The following CTSB variants were observed in gnomAD, a reference collection of about 807,000 sequenced individuals.
CTSB encodes the protein APP secretase.
In CTSB, 57 loss-of-function variants were observed where a neutral mutation model predicts 44.3. The observed-to-expected ratio is 1.29, with a 90% CI of 1.04 to 1.60. The LOEUF (loss-of-function observed/expected upper bound fraction) is 1.60, where lower values mean the gene tolerates loss of function less well. Ranked by LOEUF, CTSB falls within the 40% of genes most tolerant of loss-of-function variation. The probability of loss-of-function intolerance (pLI) is 0.00; values close to 1 mark genes in which losing one functional copy is unlikely to be tolerated. For missense variants in CTSB, 768 were observed against 443.0 expected (o/e 1.73, Z -6.59); for synonymous variants, 320 against 168.0 (o/e 1.91, Z -7.00).
chr8:11,845,149 G>T lies in CTSB; in HGVS notation c.996C>A (p.Thr332=), dbSNP rs759777408. The change falls in exon 10 of 10, where the codon ACC becomes ACA. Residue 332 remains threonine (T), a synonymous_variant. Coordinates refer to ENST00000353047, the MANE Select transcript of CTSB (RefSeq NM_001908.5). ...ESEVVAGIPR[T]DQYWEKI The stretch of plus-strand genomic sequence containing the variant: ...ATTAGATCTTTTCCCAGTACTGATC[G>T]GTGCGTGGAATTCCAGCCACCACTT... 6.2e-7 allele frequency: 1 copy of T among 1,613,524 alleles called. No individual in the cohort carries two copies. Among genetic ancestry groups the T allele is most frequent in the East Asian group, 2.2e-5 (1 of 44,888 alleles).
intron 1 of CTSB, among the ~76,000 whole-genome samples, chr8:11,857,559 A>G (rs1815706713): frequency 6.6e-6 from 1 of 152,022 alleles, no homozygotes; most frequent in South Asian, 2.1e-4. Context: ...TAAAACCAAG[A>G]TTTCTTTGGT....
intron 2 of CTSB, among the ~76,000 whole-genome samples, chr8:11,853,100 C>A (rs1032580467): frequency 5.9e-5 from 9 of 152,084 alleles, no homozygotes; most frequent in Non-Finnish European, 1.0e-4. Context: ...CACGTGCACA[C>A]AACCATATAT....
Position 11,847,728 on chromosome 8 carries a change from C to G in CTSB, c.627G>C (p.Lys209Asn), listed in dbSNP as rs1022641755. 1.3e-6 allele frequency: 2 copies of G among 1,598,194 alleles called. No homozygotes were observed. The highest frequency in any genetic ancestry group is 1.3e-5 in the African/African-American group (1 of 74,080). The change falls in exon 7 of 10, where the codon AAG (lysine) becomes AAC (asparagine). Residue 209 changes from lysine to asparagine, a missense_variant. Transcript: ENST00000353047. ...TGEGDTPKCS[K>N]ICEPGYSPTY... is the part of the protein sequence containing the mutation. ...TCGGGCTGTAGCCAGGCTCACAGAT[C>G]TTGCTACACTTGGGGGTATCTCCCT... is the stretch of plus-strand genomic sequence containing the variant.
chr8:11,857,332 T>C (rs921535763), intron 1 of CTSB, among the ~76,000 whole-genome samples: 1 of 152,102 alleles, frequency 6.6e-6, no homozygotes, highest in Non-Finnish European at 1.5e-5. Flanking sequence ...GTGACTTTCT[T>C]AATAATCTTC....
In CTSB at chr8:11,845,748, C is replaced by T; in HGVS notation, c.835G>A (p.Ala279Thr). The T allele has an allele frequency of 6.2e-7, 1 of 1,614,122 alleles. No homozygotes were observed. Among genetic ancestry groups the T allele is most frequent in the Non-Finnish European group, 8.5e-7 (1 of 1,179,968 alleles). ...ACTCCCCAGCCCAGGATGCGGATGGCATGGCCACCCATCATCTCTCCGGTG... is the reference window on the plus strand; with the variant it reads ...ACTCCCCAGCCCAGGATGCGGATGGTATGGCCACCCATCATCTCTCCGGTG... ...HVTGEMMGGH[A>T]IRILGWGVEN... is the part of the protein sequence containing the mutation. The change falls in exon 9 of 10, where the codon GCC becomes ACC. Residue 279 changes from alanine (A) to threonine (T), a missense_variant. By Grantham distance (58) the Ala-to-Thr change is moderately conservative (BLOSUM62 0). Coordinates refer to ENST00000353047, the MANE Select transcript of CTSB (RefSeq NM_001908.5).
At chr8:11,863,028 C>T (rs1427865931) in intron 1 of CTSB, among the ~76,000 whole-genome samples, 1 of 152,208 alleles carries the variant, frequency 6.6e-6, no homozygotes, top group African/African-American at 2.4e-5. Context: ...AACATCAGTT[C>T]TGGGCTGAGC....
At position 11,850,984 on chromosome 8, in the gene CTSB, G is replaced by C; in HGVS notation, c.213-4C>G. ...CAGGTCCTCGGTAAACATAACTCTGGATAAAGGAAGGTCTTCATTACAAGC... is the reference window on the plus strand; with the variant it reads ...CAGGTCCTCGGTAAACATAACTCTGCATAAAGGAAGGTCTTCATTACAAGC... On this transcript the variant is annotated splice_polypyrimidine_tract_variant and splice_region_variant and intron_variant, in intron 3 of 9. Transcript: ENST00000353047. The C allele has an allele frequency of 2.5e-6, 4 of 1,605,640 alleles. No homozygotes were observed. Among genetic ancestry groups the C allele is most frequent in the Non-Finnish European group, 3.4e-6 (4 of 1,173,540 alleles).
At chr8:11,854,593 T>TTCAAACAATGCTTGTG (rs71205034) in intron 1 of CTSB, 1 of 151,512 alleles carries the variant, frequency 6.6e-6, no homozygotes, top group African/African-American at 2.4e-5. Flanking sequence ...ACCTCCCAGG[T>TTCAAACAATGCTTGTG]TCTTAGCCTC....
chr8:11,860,927 C>G (rs781067948), intron 1 of CTSB, among the ~76,000 whole-genome samples: 14 of 152,242 alleles, frequency 9.2e-5, no homozygotes, highest in Non-Finnish European at 1.9e-4. Flanking sequence ...CTTCAACCTG[C>G]CAGACACACC....
In CTSB at chr8:11,852,702, G is replaced by C. The variant is rs372595797; in HGVS notation, c.127-7C>G. On this transcript the variant is annotated splice_polypyrimidine_tract_variant and splice_region_variant and intron_variant, in intron 2 of 9. Transcript: ENST00000353047. ...TGTAGAAGTTGTGCCCGGCCTGGAAGAGAGTCACCCACTGACTGAAGGGTC... is the reference window on the plus strand; with the variant it reads ...TGTAGAAGTTGTGCCCGGCCTGGAACAGAGTCACCCACTGACTGAAGGGTC... 48 of 1,613,344 alleles carry C rather than the reference G, an allele frequency of 3.0e-5. No homozygotes were observed. The African/African-American group carries it at 6.0e-4, about 20-fold the overall frequency.
intron 1 of CTSB, among the ~76,000 whole-genome samples, chr8:11,860,546 C>T (rs2150440419): frequency 6.6e-6 from 1 of 152,302 alleles, no homozygotes; most frequent in African/African-American, 2.4e-5. Context: ...ATTGCTTGAA[C>T]CCAGGAGGTG....
rs1273616387 is a variant in CTSB, at chr8:11,843,378, C to T, written c.*1747G>A. On this transcript the variant is annotated 3_prime_UTR_variant, in exon 10 of 10. Transcript: ENST00000353047. Reference sequence around the variant, plus strand: ...TCACATCAGAAGCCAAACTTGAATGCTTTTGGAAAGAGCTAGCCTCATACC... The same window carrying T: ...TCACATCAGAAGCCAAACTTGAATGTTTTTGGAAAGAGCTAGCCTCATACC... The T allele has an allele frequency of 2.0e-5, 3 of 152,192 alleles. No individual in the cohort carries two copies. The highest frequency in any genetic ancestry group is 7.2e-5 in the African/African-American group (3 of 41,440). The allele number at this position is 152,192 out of a possible 1,614,324, so 9.4% of individuals were successfully genotyped here.
intron 1 of CTSB, among the ~76,000 whole-genome samples, chr8:11,859,971 C>G (rs1281705144): frequency 6.6e-6 from 1 of 151,280 alleles, no homozygotes; most frequent in African/African-American, 2.4e-5. Flanking sequence ...ACTCAGGAAG[C>G]TGAGGCAGGA....
Position 11,845,727 on chromosome 8 carries a change from C to A in CTSB, c.856G>T (p.Gly286Ter). Reference protein sequence around the residue: ...GGHAIRILGWGVENGTPYWLV... With the variant: ...GGHAIRILGW ...CAGTAGGGTGTGCCATTCTCCACTCCCCAGCCCAGGATGCGGATGGCATGG... is the reference window on the plus strand; with the variant it reads ...CAGTAGGGTGTGCCATTCTCCACTCACCAGCCCAGGATGCGGATGGCATGG... Residue 286 changes from glycine to a stop codon, truncating the protein, a stop_gained, in exon 9 of 10, where the codon GGA becomes TGA. Transcript: ENST00000353047. LOFTEE classifies it high-confidence loss of function. 1 of 1,614,152 alleles carries A rather than the reference C, an allele frequency of 6.2e-7. No homozygotes were observed. Among genetic ancestry groups the A allele is most frequent in the Non-Finnish European group, 8.5e-7 (1 of 1,179,992 alleles).
chr8:11,854,161 C>T (rs1453113576), intron 1 of CTSB, among the ~76,000 whole-genome samples: 1 of 152,196 alleles, frequency 6.6e-6, no homozygotes, highest in African/African-American at 2.4e-5. Flanking sequence ...AACTCTGAGT[C>T]ACCCTCCTAA....
At chr8:11,846,409 C>G (rs964899342) in intron 8 of CTSB, 1 of 152,362 alleles carries the variant, frequency 6.6e-6, no homozygotes, top group African/African-American at 2.4e-5. Flanking sequence ...CTTCCTTTGT[C>G]AAACTGTTGT....
chr8:11,853,302 T>TA (rs773172338), intron 2 of CTSB, 27 bp downstream of exon 2: 1 of 1,611,576 alleles, frequency 6.2e-7, no homozygotes, highest in Non-Finnish European at 8.5e-7. Context: ...GGAGGGGACA[T>TA]ACATAGGACG....
intron 7 of CTSB, 84 bp from the exon 8 acceptor site, chr8:11,847,252 G>C: frequency 1.1e-6 from 1 of 877,688 alleles, no homozygotes; most frequent in Non-Finnish European, 1.9e-6. Flanking sequence ...ACTGATTTCT[G>C]GTGGCCTCCA....
chr8:11,854,107 T>C (rs886249268), intron 1 of CTSB, among the ~76,000 whole-genome samples: 1 of 152,190 alleles, frequency 6.6e-6, no homozygotes, highest in African/African-American at 2.4e-5. Flanking sequence ...AGCCGTTTGA[T>C]CTTGCACTGG....
Sources: allele counts gnomAD v4.1 joint callset (sites outside exome capture counted in the v4.1 genomes callset), GRCh38; gene constraint gnomAD v4.1.1; transcripts MANE v1.5; gene names NCBI Gene and HGNC (gene_info 2026-07-23, HGNC 2026-07-21).